The following ITM2B variants were observed in gnomAD, a reference collection of about 807,000 sequenced individuals.
ITM2B encodes integral membrane protein 2B.
A neutral mutation model predicts 27.8 loss-of-function variants in ITM2B; 11 were observed. The ratio of observed to expected loss-of-function variants is 0.40; its 90% CI spans 0.25 to 0.66. The LOEUF is 0.66. ITM2B is among the 30% of genes least tolerant of loss of function. ITM2B has a pLI of 0.43. For synonymous variants in ITM2B, 114 were observed against 114.3 expected, an observed-to-expected ratio of 1.00 and a Z score of 0.02; for missense variants, 296 against 328.9, an observed-to-expected ratio of 0.90 and a Z score of 0.77.
In ITM2B at chr13:48,258,845, A is replaced by G; in HGVS notation, c.613A>G (p.Ile205Val). ...QSYLIHEHMV[I>V]TDRIENIDHL... ...CTATCTGATTCATGAGCACATGGTT[A>G]TTACTGATCGCATTGAAAACATTGA... Residue 205 changes from isoleucine to valine, a missense_variant, in exon 5 of 6, where the codon ATT becomes GTT. Physicochemically the swap from Ile to Val is conservative, Grantham distance 29. Coordinates refer to ENST00000647800, the MANE Select transcript of ITM2B (RefSeq NM_021999.5). 1 of 1,613,708 alleles carries G rather than the reference A, an allele frequency of 6.2e-7. No individual in the cohort carries two copies.
At position 48,268,101 on chromosome 13, in the gene ITM2B, G is replaced by A. The variant is rs1467893750; in HGVS notation, c.*6877G>A. 1 of 152,040 alleles carries A rather than the reference G, an allele frequency of 6.6e-6. No homozygotes were observed. Among genetic ancestry groups the A allele is most frequent in the African/African-American group, 2.4e-5 (1 of 41,396 alleles). 9.4% of individuals were successfully genotyped at this position (152,040 alleles called of 1,614,324 possible). A position where few individuals can be genotyped will look rare whatever the true frequency, so the allele number is the denominator to read the frequency against. On this transcript the variant is annotated 3_prime_UTR_variant, in exon 6 of 6. Coordinates refer to ENST00000647800, the MANE Select transcript of ITM2B (RefSeq NM_021999.5). ...CTACTTTTTCATTTCTATGACCATA[G>A]TTCAGTTTTTGGCTATTCTTGAACT...
Position 48,253,513 on chromosome 13 carries a change from A to C in ITM2B, c.118-295A>C, listed in dbSNP as rs368724150. 7.2e-4 allele frequency among the ~76,000 whole-genome samples: 109 copies of C among 152,304 alleles called. 7 individuals are homozygous for C. The highest frequency in any genetic ancestry group is 2.7e-3 in the East Asian group (14 of 5,180). On this transcript the variant is annotated intron_variant, in intron 1 of 5. Coordinates refer to ENST00000647800, the MANE Select transcript of ITM2B (RefSeq NM_021999.5). ...TAGAATATATCACCAAAAGTTGTGC[A>C]TGGAAAGTAAAAATTATGGAGTGTA...
In ITM2B at chr13:48,264,766, G is replaced by T. The variant is rs1037761208; in HGVS notation, c.*3542G>T. 6.6e-6 allele frequency: 1 copy of T among 152,124 alleles called. No individual in the cohort carries two copies. The highest frequency in any genetic ancestry group is 2.4e-5 in the African/African-American group (1 of 41,428). 9.4% of individuals were successfully genotyped at this position (152,124 alleles called of 1,614,324 possible). On this transcript the variant is annotated 3_prime_UTR_variant, in exon 6 of 6. Transcript: ENST00000647800. ...TATCTTGTCCAAAGTTATTGCTAGC[G>T]TTCTTCTTTCTGAGTCTTTGTGGCT...
At chr13:48,261,036 G>A (rs1337589338) in intron 5 of ITM2B, 103 bp from the exon 6 acceptor site, 1 of 768,464 alleles carries the variant, frequency 1.3e-6, no homozygotes, top group Non-Finnish European at 2.2e-6. Flanking sequence ...GTGGAATATA[G>A]AGTGAAATAC....
chr13:48,265,603 G>A lies in ITM2B; in HGVS notation c.*4379G>A, dbSNP rs1951848048. 6.6e-6 allele frequency: 1 copy of A among 152,444 alleles called. No homozygotes were observed. The highest frequency in any genetic ancestry group is 2.4e-5 in the African/African-American group (1 of 41,434). 9.4% of individuals were successfully genotyped at this position (152,444 alleles called of 1,614,324 possible). The stretch of plus-strand genomic sequence containing the variant: ...TAGGATAAAGACCAAAATACTTAAT[G>A]CTGCACAGTCCAGTCCCAACCCACT... On this transcript the variant is annotated 3_prime_UTR_variant, in exon 6 of 6. Coordinates refer to ENST00000647800, the MANE Select transcript of ITM2B (RefSeq NM_021999.5).
At chr13:48,244,391 A>C (rs2137983546) in intron 1 of ITM2B, among the ~76,000 whole-genome samples, 1 of 152,364 alleles carries the variant, frequency 6.6e-6, no homozygotes, top group East Asian at 1.9e-4. Context: ...TTTTTACTGC[A>C]CATGCCTTCA....
At chr13:48,244,751 TAATG>T (rs1951715958) in intron 1 of ITM2B, among the ~76,000 whole-genome samples, 1 of 152,206 alleles carries the variant, frequency 6.6e-6, no homozygotes, top group South Asian at 2.1e-4. Flanking sequence ...CTGAATTTTA[TAATG>T]AATTATATAA....
chr13:48,253,218 T>C (rs1951764346), intron 1 of ITM2B, among the ~76,000 whole-genome samples: 1 of 152,250 alleles, frequency 6.6e-6, no homozygotes, highest in Admixed American at 6.5e-5. Flanking sequence ...TTTCTATGTA[T>C]ATAATTTTGT....
At chr13:48,251,783 C>G (rs549157778) in intron 1 of ITM2B, among the ~76,000 whole-genome samples, 4 of 152,254 alleles carry the variant, frequency 2.6e-5, no homozygotes, top group Admixed American at 1.3e-4. Flanking sequence ...CCCCACTCTC[C>G]TTCCACTCTA....
chr13:48,237,317 G>A (rs757395117), intron 1 of ITM2B, among the ~76,000 whole-genome samples: 7 of 152,184 alleles, frequency 4.6e-5, no homozygotes, highest in Non-Finnish European at 8.8e-5. Context: ...GGTTCTCCAT[G>A]AGGATATTAA....
At position 48,261,893 on chromosome 13, in the gene ITM2B, C is replaced by G. The variant is rs930143448; in HGVS notation, c.*669C>G. The G allele has an allele frequency of 2.0e-5, 3 of 152,272 alleles. No homozygotes were observed. The highest frequency in any genetic ancestry group is 2.0e-4 in the Admixed American group (3 of 15,248). The allele number at this position is 152,272 out of a possible 1,614,324, so 9.4% of individuals were successfully genotyped here. ...TAACTAGACTGCGTGTTGTTTTTCC[C>G]GTATAATAAAACCAAAGAATAGTTT... On this transcript the variant is annotated 3_prime_UTR_variant, in exon 6 of 6. Coordinates refer to ENST00000647800, the MANE Select transcript of ITM2B (RefSeq NM_021999.5).
rs1254731740 is a variant in ITM2B, at chr13:48,269,117, CCTCAT to C, written c.*7898_*7902del. ...AAACTTGATTTTCCTCCCATGGTTT[CCTCAT>C]CTCAGCTCCTTTTTTTTTCCAGTTG... On this transcript the variant is annotated 3_prime_UTR_variant, in exon 6 of 6. Coordinates refer to ENST00000647800, the MANE Select transcript of ITM2B (RefSeq NM_021999.5). 10 of 152,166 alleles carry C rather than the reference CCTCAT, an allele frequency of 6.6e-5. No homozygotes were observed. Among genetic ancestry groups the C allele is most frequent in the African/African-American group, 2.2e-4 (9 of 41,442 alleles). The allele number at this position is 152,166 out of a possible 1,614,324, so 9.4% of individuals were successfully genotyped here.
At chr13:48,235,013 C>CATATATATAT (rs58490404) in intron 1 of ITM2B, among the ~76,000 whole-genome samples, 15 of 149,832 alleles carry the variant, frequency 1.0e-4, no homozygotes, top group Non-Finnish European at 1.6e-4. Context: ...AATGCTATCA[C>CATATATATAT]ATATATATAT....
At chr13:48,258,625 A>G (rs1249023562) in intron 4 of ITM2B, among the ~76,000 whole-genome samples, 172 bp from the exon 5 acceptor site, 2 of 152,200 alleles carry the variant, frequency 1.3e-5, no homozygotes, top group Non-Finnish European at 2.9e-5. Context: ...GCTTGAGGCC[A>G]GGAATTTGAG....
chr13:48,246,873 G>A (rs1951727057), intron 1 of ITM2B, among the ~76,000 whole-genome samples: 1 of 152,186 alleles, frequency 6.6e-6, no homozygotes, highest in Non-Finnish European at 1.5e-5. Context: ...TCTGTCACCA[G>A]GCTGGAGTGC....
chr13:48,245,587 C>G (rs1030165479), intron 1 of ITM2B, among the ~76,000 whole-genome samples: 1 of 150,696 alleles, frequency 6.6e-6, no homozygotes, highest in Non-Finnish European at 1.5e-5. Flanking sequence ...TAACCTAAAA[C>G]TGTGCTAGTT....
rs144221146 is a variant in ITM2B at position 48,240,487 on chromosome 13, T to C, written c.117+7010T>C. 1.3e-3 allele frequency among the ~76,000 whole-genome samples: 198 copies of C among 152,330 alleles called. 1 individual carries two copies. The highest frequency in any genetic ancestry group is 4.6e-3 in the African/African-American group (190 of 41,580). On this transcript the variant is annotated intron_variant, in intron 1 of 5. Transcript: ENST00000647800. ...AGTCCCAGTTTTCTCTCCTCATCAT[T>C]CTTGTTTTGGAATATTACTTCTTAT...
At chr13:48,255,266 T>TGC (rs1470320954) in intron 2 of ITM2B, among the ~76,000 whole-genome samples, 6 of 151,388 alleles carry the variant, frequency 4.0e-5, no homozygotes, top group Non-Finnish European at 8.8e-5. Context: ...CGCGCGCGTG[T>TGC]GCGTGCGCGC....
chr13:48,252,881 C>G (rs115678372), intron 1 of ITM2B, among the ~76,000 whole-genome samples: 2 of 152,106 alleles, frequency 1.3e-5, no homozygotes, highest in Non-Finnish European at 2.9e-5. Flanking sequence ...GCTCTTTGCA[C>G]ATGAACTTGG....
Sources: allele counts gnomAD v4.1 joint callset (sites outside exome capture counted in the v4.1 genomes callset), GRCh38; gene constraint gnomAD v4.1.1; transcripts MANE v1.5; gene names NCBI Gene and HGNC (gene_info 2026-07-23, HGNC 2026-07-21).